PCDHA9: variants seen among roughly 807,000 people sequenced by gnomAD.
PCDHA9 encodes the protein protocadherin alpha 9, also known as protocadherin alpha-9.
PCDHA9 carries 62 observed loss-of-function variants against 62.0 expected under a neutral mutation model. The ratio of observed to expected loss-of-function variants is 1.00; its 90% confidence interval spans 0.81 to 1.23. The LOEUF (loss-of-function observed/expected upper bound fraction) is 1.23, where lower values mean the gene tolerates loss of function less well. PCDHA9 is among the 50% of genes most tolerant of loss of function. The pLI is 0.00. For synonymous variants in PCDHA9, 557 were observed against 567.6 expected (o/e 0.98, Z 0.27); for missense variants, 1,205 against 1,249.8 (o/e 0.96, Z 0.54).
chr5:140,964,087 G>T (rs2095809523), intron 1 of PCDHA9, among the ~76,000 whole-genome samples: 1 of 152,078 alleles, frequency 6.6e-6, no homozygotes, highest in African/African-American at 2.4e-5. Context: ...TTGTAGAAAG[G>T]GTAATTAACA....
intron 1 of PCDHA9, chr5:140,856,494 C>A: frequency 6.3e-7 from 1 of 1,598,382 alleles, no homozygotes; most frequent in Non-Finnish European, 8.6e-7. Flanking sequence ...CTGCTTGACT[C>A]TCGATTTCCA....
chr5:140,971,192 A>G (rs1450514781), intron 1 of PCDHA9, among the ~76,000 whole-genome samples: 3 of 152,178 alleles, frequency 2.0e-5, no homozygotes, highest in Non-Finnish European at 4.4e-5. Context: ...GGAAGCTCAG[A>G]GGAAAGACAC....
intron 3 of PCDHA9, among the ~76,000 whole-genome samples, chr5:140,985,239 A>C (rs2097143502): frequency 6.6e-6 from 1 of 152,008 alleles, no homozygotes; most frequent in South Asian, 2.1e-4. Flanking sequence ...GCCTGGCCTA[A>C]TCTTCTTACT....
chr5:140,877,120 A>G (rs782093528), intron 1 of PCDHA9: 4 of 1,613,684 alleles, frequency 2.5e-6, no homozygotes, highest in East Asian at 4.5e-5. Context: ...CAGCAACGTG[A>G]CGCTGCAGGT....
chr5:140,926,424 G>A (rs894649962), intron 1 of PCDHA9: 2 of 153,468 alleles, frequency 1.3e-5, no homozygotes, highest in African/African-American at 4.8e-5. Context: ...AGAGGATGTG[G>A]AGGTTAAGAT....
chr5:140,936,545 G>A (rs1456098221), intron 1 of PCDHA9, among the ~76,000 whole-genome samples: 1 of 152,202 alleles, frequency 6.6e-6, no homozygotes, highest in African/African-American at 2.4e-5. Context: ...ATAGTGCAAT[G>A]TAGAAGTCAA....
chr5:141,006,436 A>G (rs2153987648), intron 3 of PCDHA9, among the ~76,000 whole-genome samples: 1 of 152,098 alleles, frequency 6.6e-6, no homozygotes, highest in African/African-American at 2.4e-5. Context: ...GATGGTCTCA[A>G]TCTCCTGACC....
intron 1 of PCDHA9, among the ~76,000 whole-genome samples, chr5:140,948,544 G>A (rs2094271073): frequency 1.3e-5 from 2 of 151,392 alleles, no homozygotes; most frequent in Admixed American, 1.3e-4. Flanking sequence ...TTCATGCTCT[G>A]TCAATTTTGT....
At chr5:141,006,188 A>C (rs1319299509) in intron 3 of PCDHA9, among the ~76,000 whole-genome samples, 2 of 150,182 alleles carry the variant, frequency 1.3e-5, no homozygotes, top group Admixed American at 6.7e-5. Flanking sequence ...AGAGTTTGCT[A>C]TATGTATGTT....
chr5:140,870,852 G>A lies in PCDHA9; in HGVS notation c.2394+19963G>A, dbSNP rs782301779. 4.3e-6 allele frequency: 7 copies of A among 1,613,862 alleles called. No individual in the cohort carries two copies. In the Admixed American group the frequency reaches 1.0e-4, roughly 23 times the overall value. ...CAGTTAACAAGCTAGTACCGCGGTCGGTGGGTGCGGGCCACGTGGTGGCGA... is the reference window on the plus strand; with the variant it reads ...CAGTTAACAAGCTAGTACCGCGGTCAGTGGGTGCGGGCCACGTGGTGGCGA... On this transcript the variant is annotated intron_variant, in intron 1 of 3. Transcript: ENST00000532602.
chr5:140,923,306 C>T (rs572766829), intron 1 of PCDHA9, among the ~76,000 whole-genome samples: 1 of 152,098 alleles, frequency 6.6e-6, no homozygotes, highest in East Asian at 1.9e-4. Flanking sequence ...GGCGTGGGGG[C>T]GCTTGGCCTA....
At chr5:140,950,579 A>G (rs2094498747) in intron 1 of PCDHA9, among the ~76,000 whole-genome samples, 1 of 151,956 alleles carries the variant, frequency 6.6e-6, no homozygotes, top group African/African-American at 2.4e-5. Flanking sequence ...TTTTCTACTT[A>G]CCTTTGGTTT....
intron 1 of PCDHA9, among the ~76,000 whole-genome samples, chr5:140,955,342 C>T (rs981239160): frequency 1.3e-5 from 2 of 152,130 alleles, no homozygotes; most frequent in Admixed American, 6.6e-5. Context: ...ATAATCCCCA[C>T]ATGTTGTGAG....
chr5:140,981,791 C>G (rs564396430), intron 2 of PCDHA9, among the ~76,000 whole-genome samples: 2 of 152,000 alleles, frequency 1.3e-5, no homozygotes, highest in Non-Finnish European at 2.9e-5. Flanking sequence ...GTTCTCTTTT[C>G]CCTTGAACAG....
intron 1 of PCDHA9, chr5:140,927,292 C>G (rs782109776): frequency 1.3e-5 from 21 of 1,614,162 alleles, no homozygotes; most frequent in Non-Finnish European, 1.7e-6. Context: ...GCTGCACATC[C>G]CCGAGTTCCT....
At chr5:140,965,196 AG>A (rs2095879471) in intron 1 of PCDHA9, among the ~76,000 whole-genome samples, 3 of 152,254 alleles carry the variant, frequency 2.0e-5, no homozygotes, top group Non-Finnish European at 4.4e-5. Flanking sequence ...ATGAGGCAAT[AG>A]ATTTCAAATT....
chr5:140,929,279 T>C (rs368682683), intron 1 of PCDHA9: 1 of 1,603,874 alleles, frequency 6.2e-7, no homozygotes, highest in Non-Finnish European at 8.5e-7. Context: ...ATATCCTGTA[T>C]TCAGATTCGG....
rs565071573 is a variant in PCDHA9, at chr5:141,009,664, G to A, written c.2580G>A (p.Ala860=). The A allele has an allele frequency of 2.2e-5, 36 of 1,613,862 alleles. No individual in the cohort carries two copies. The highest frequency in any genetic ancestry group is 5.0e-5 in the Admixed American group (3 of 59,974). The stretch of plus-strand genomic sequence containing the variant: ...GAGAAGTGTCCCCTCCAGTCGGTGC[G>A]GGTGTCAACAGCAACAGCTGGACCT... The part of the protein sequence containing the change: ...EAGEVSPPVG[A]GVNSNSWTFK... Residue 860 remains alanine (A), a synonymous_variant, in exon 4 of 4, where the codon GCG becomes GCA. Transcript: ENST00000532602.
intron 3 of PCDHA9, among the ~76,000 whole-genome samples, chr5:141,003,141 AGACTC>A (rs1554258926): frequency 1.3e-5 from 2 of 152,202 alleles, no homozygotes; most frequent in African/African-American, 4.8e-5. Flanking sequence ...GCCTTGGCAA[AGACTC>A]TGACCTGATC....
Sources: allele counts gnomAD v4.1 joint callset (sites outside exome capture counted in the v4.1 genomes callset), GRCh38; gene constraint gnomAD v4.1.1; transcripts MANE v1.5; gene names NCBI Gene and HGNC (gene_info 2026-07-23, HGNC 2026-07-21).